The following WNT7A variants were observed in gnomAD, a reference collection of about 807,000 sequenced individuals.
The protein encoded by WNT7A is Wnt family member 7A, also known as protein Wnt-7a.
A neutral mutation model predicts 28.2 loss-of-function variants in WNT7A; 16 were observed. The observed-to-expected ratio is 0.57, with a 90% CI of 0.38 to 0.86. The LOEUF (loss-of-function observed/expected upper bound fraction) is 0.86, where lower values mean the gene tolerates loss of function less well. Ranked by LOEUF, WNT7A falls within the 40% of genes least tolerant of loss-of-function variation. The pLI is 0.00. For synonymous variants in WNT7A, 190 were observed against 195.9 expected, an observed-to-expected ratio of 0.97 and a Z score of 0.25; for missense variants, 411 against 489.7, an observed-to-expected ratio of 0.84 and a Z score of 1.52.
At chr3:13,856,645 C>G (rs1694734163) in intron 2 of WNT7A, among the ~76,000 whole-genome samples, 2 of 152,080 alleles carry the variant, frequency 1.3e-5, no homozygotes, top group South Asian at 4.1e-4. Context: ...TGGTGAAACT[C>G]TGTCTTTGCT....
At chr3:13,868,478 A>C (rs904068790) in intron 2 of WNT7A, among the ~76,000 whole-genome samples, 1 of 140,880 alleles carries the variant, frequency 7.1e-6, no homozygotes, top group Admixed American at 7.1e-5. Flanking sequence ...CTGTCAGAAA[A>C]GGAAAGAACG....
chr3:13,830,771 C>G (rs1384390610), intron 3 of WNT7A, among the ~76,000 whole-genome samples: 1 of 152,188 alleles, frequency 6.6e-6, no homozygotes, highest in African/African-American at 2.4e-5. Context: ...CAGAGCTCCC[C>G]AATGTTGCCA....
In WNT7A at chr3:13,819,228, T is replaced by A; in HGVS notation, c.766A>T (p.Lys256Ter). The A allele has an allele frequency of 3.1e-6, 5 of 1,614,228 alleles. No homozygotes were observed. Among genetic ancestry groups the A allele is most frequent in the Non-Finnish European group, 4.2e-6 (5 of 1,180,050 alleles). The change falls in exon 4 of 4, where the codon AAG (lysine) becomes TAG (stop). Residue 256 changes from lysine to a stop codon, truncating the protein, a stop_gained. Transcript: ENST00000285018. LOFTEE classifies it high-confidence loss of function. Reference protein sequence around the residue: ...NKRPTFLKIKKPLSYRKPMDT... With the variant: ...NKRPTFLKIK ...ATGGGCTTGCGGTACGACAGTGGCT[T>A]CTTGATCTTCAGGAAGGTGGGCCGC...
intron 3 of WNT7A, 122 bp from the exon 4 acceptor site, chr3:13,819,545 T>C: frequency 1.5e-6 from 2 of 1,369,744 alleles, no homozygotes; most frequent in South Asian, 3.0e-5. Context: ...TTTAGTTTTT[T>C]CTTTCTGGTG....
At chr3:13,823,314 C>G (rs1287930468) in intron 3 of WNT7A, among the ~76,000 whole-genome samples, 4 of 152,202 alleles carry the variant, frequency 2.6e-5, no homozygotes, top group Non-Finnish European at 5.9e-5. Context: ...CTTTCAGGCT[C>G]AGGCTCTAAG....
intron 1 of WNT7A, among the ~76,000 whole-genome samples, chr3:13,878,055 C>G (rs1435099545): frequency 2.0e-5 from 3 of 152,186 alleles, no homozygotes; most frequent in Non-Finnish European, 4.4e-5. Flanking sequence ...TCCCACCTCT[C>G]CGACCTGGAC....
At chr3:13,849,442 G>T (rs1694593663) in intron 3 of WNT7A, among the ~76,000 whole-genome samples, 1 of 152,150 alleles carries the variant, frequency 6.6e-6, no homozygotes, top group Admixed American at 6.5e-5. Context: ...ATACCTTGCA[G>T]CCCTGCTCCT....
intron 3 of WNT7A, among the ~76,000 whole-genome samples, chr3:13,830,773 A>G (rs12634816): frequency 0.33 from 49,513 of 151,994 alleles, 8,421 homozygotes; most frequent in East Asian, 0.64. Flanking sequence ...GAGCTCCCCA[A>G]TGTTGCCAGC....
intron 3 of WNT7A, among the ~76,000 whole-genome samples, chr3:13,824,634 T>A (rs570955837): frequency 1.3e-5 from 2 of 152,264 alleles, no homozygotes; most frequent in South Asian, 4.2e-4. Flanking sequence ...CCCACCCTCC[T>A]GGCCCCCAGG....
chr3:13,869,076 G>GAGAGAAAGAGGGAGAGAGAA (rs1575074518), intron 2 of WNT7A, among the ~76,000 whole-genome samples: 1 of 150,238 alleles, frequency 6.7e-6, no homozygotes, highest in African/African-American at 2.4e-5. Flanking sequence ...GCAAGTGAGA[G>GAGAGAAAGAGGGAGAGAGAA]AGAGAAAGAG....
chr3:13,857,687 T>A (rs750968206), intron 2 of WNT7A, among the ~76,000 whole-genome samples: 3 of 151,600 alleles, frequency 2.0e-5, no homozygotes, highest in South Asian at 2.1e-4. Flanking sequence ...AGGCACCAGC[T>A]CACACTCGAG....
intron 3 of WNT7A, among the ~76,000 whole-genome samples, chr3:13,828,145 C>A (rs1694227126): frequency 6.6e-6 from 1 of 152,218 alleles, no homozygotes; most frequent in African/African-American, 2.4e-5. Flanking sequence ...TCAGACCAGT[C>A]AGGGCCAAAC....
chr3:13,840,421 A>G (rs1357000062), intron 3 of WNT7A, among the ~76,000 whole-genome samples: 1 of 152,248 alleles, frequency 6.6e-6, no homozygotes, highest in Admixed American at 6.5e-5. Flanking sequence ...TACCAGACGC[A>G]TAAATAGGTG....
chr3:13,874,364 G>GTA (rs1695071002), intron 2 of WNT7A, among the ~76,000 whole-genome samples: 1 of 152,160 alleles, frequency 6.6e-6, no homozygotes, highest in Non-Finnish European at 1.5e-5. Flanking sequence ...TCAAAACTCT[G>GTA]TGTGTATGTA....
At chr3:13,853,604 G>A (rs1694676493) in intron 3 of WNT7A, among the ~76,000 whole-genome samples, 1 of 152,192 alleles carries the variant, frequency 6.6e-6, no homozygotes, top group Non-Finnish European at 1.5e-5. Context: ...AGCCCACTGA[G>A]ATTGGTCTTA....
At chr3:13,856,969 G>GAGAAGAAGAAGGAGAAGGAGAAGAAGA (rs1694754150) in intron 2 of WNT7A, among the ~76,000 whole-genome samples, 1 of 60,250 alleles carries the variant, frequency 1.7e-5, no homozygotes, top group Non-Finnish European at 3.2e-5. Context: ...GAAGAAGAAG[G>GAGAAGAAGAAGGAGAAGGAGAAGAAGA]AGAAGAAGAA....
intron 1 of WNT7A, among the ~76,000 whole-genome samples, chr3:13,876,358 T>A (rs2124880644): frequency 6.6e-6 from 1 of 152,250 alleles, no homozygotes; most frequent in Non-Finnish European, 1.5e-5. Flanking sequence ...CTCAGGTGCA[T>A]CAGGCAGCAC....
chr3:13,848,678 G>T (rs1694578031), intron 3 of WNT7A, among the ~76,000 whole-genome samples: 1 of 152,150 alleles, frequency 6.6e-6, no homozygotes, highest in South Asian at 2.1e-4. Context: ...ATGGAAAATG[G>T]TTTGGCACTT....
At chr3:13,829,622 G>A (rs1357031741) in intron 3 of WNT7A, among the ~76,000 whole-genome samples, 3 of 152,142 alleles carry the variant, frequency 2.0e-5, no homozygotes, top group African/African-American at 7.2e-5. Context: ...GCCTGCAGGC[G>A]AGTCCCTTTC....
Sources: allele counts gnomAD v4.1 joint callset (sites outside exome capture counted in the v4.1 genomes callset), GRCh38; gene constraint gnomAD v4.1.1; transcripts MANE v1.5; gene names NCBI Gene and HGNC (gene_info 2026-07-23, HGNC 2026-07-21).